MNAT1: variants seen among roughly 807,000 people sequenced by gnomAD.
MNAT1 encodes MNAT1 component of CDK activating kinase, also known as CDK-activating kinase assembly factor MAT1.
In MNAT1, 43 loss-of-function variants were observed where a neutral mutation model predicts 42.0. The ratio of observed to expected loss-of-function variants is 1.02; its 90% CI spans 0.80 to 1.32. MNAT1 has a LOEUF of 1.32. Ranked by LOEUF, MNAT1 falls within the 40% of genes most tolerant of loss-of-function variation. The pLI is 0.00. For missense variants in MNAT1, 306 were observed against 350.4 expected, an observed-to-expected ratio of 0.87 and a Z score of 1.01; for synonymous variants, 118 against 120.0, an observed-to-expected ratio of 0.98 and a Z score of 0.11.
intron 6 of MNAT1, among the ~76,000 whole-genome samples, chr14:60,835,566 G>A (rs934915399): frequency 9.2e-5 from 14 of 152,050 alleles, no homozygotes; most frequent in African/African-American, 3.4e-4. Context: ...TTGCATATTG[G>A]CCCCCACTCT....
At chr14:60,847,830 ATTC>A (rs2033718618) in intron 6 of MNAT1, among the ~76,000 whole-genome samples, 1 of 152,214 alleles carries the variant, frequency 6.6e-6, no homozygotes, top group Non-Finnish European at 1.5e-5. Flanking sequence ...AGAATATTTA[ATTC>A]TGTATAGCTT....
chr14:60,803,873 G>A (rs2032285904), intron 3 of MNAT1, among the ~76,000 whole-genome samples: 1 of 151,954 alleles, frequency 6.6e-6, no homozygotes, highest in Admixed American at 6.5e-5. Flanking sequence ...CAATAGAAGG[G>A]GCACACATGA....
chr14:60,806,657 C>G (rs909541507), intron 3 of MNAT1, among the ~76,000 whole-genome samples: 4 of 152,160 alleles, frequency 2.6e-5, no homozygotes, highest in African/African-American at 9.7e-5. Context: ...TGGTGAAGCC[C>G]TGTCTCTACT....
intron 1 of MNAT1, among the ~76,000 whole-genome samples, chr14:60,750,507 G>A (rs1339946044): frequency 6.7e-6 from 1 of 149,606 alleles, no homozygotes; most frequent in Non-Finnish European, 1.5e-5. Context: ...TGGGATTACA[G>A]GCGTGAGCCA....
At chr14:60,738,762 C>T (rs923719333) in intron 1 of MNAT1, among the ~76,000 whole-genome samples, 6 of 151,940 alleles carry the variant, frequency 3.9e-5, no homozygotes, top group East Asian at 1.9e-4. Context: ...CTTGAACTCC[C>T]GACCTCAGGT....
At chr14:60,829,519 G>A (rs2033156946) in intron 6 of MNAT1, among the ~76,000 whole-genome samples, 1 of 152,074 alleles carries the variant, frequency 6.6e-6, no homozygotes. Context: ...ATTGTTAATA[G>A]TCAAACTGTT....
At chr14:60,965,868 A>C (rs764031251) in intron 7 of MNAT1, among the ~76,000 whole-genome samples, 6 of 152,216 alleles carry the variant, frequency 3.9e-5, no homozygotes, top group Non-Finnish European at 5.9e-5. Flanking sequence ...TTCATTTCCA[A>C]GTTACCTATA....
At chr14:60,890,150 A>C (rs916544323) in intron 7 of MNAT1, among the ~76,000 whole-genome samples, 1 of 152,204 alleles carries the variant, frequency 6.6e-6, no homozygotes, top group Admixed American at 6.6e-5. Flanking sequence ...ACACATGCAC[A>C]CATATGTTTA....
chr14:60,833,671 G>A (rs574342545), intron 6 of MNAT1, among the ~76,000 whole-genome samples: 8 of 151,750 alleles, frequency 5.3e-5, no homozygotes, highest in African/African-American at 1.7e-4. Flanking sequence ...AGATTTTGGT[G>A]TCAGGATACT....
At chr14:60,909,508 T>C (rs1266587233) in intron 7 of MNAT1, among the ~76,000 whole-genome samples, 1 of 152,206 alleles carries the variant, frequency 6.6e-6, no homozygotes, top group African/African-American at 2.4e-5. Context: ...GTATAAGGTG[T>C]AAGGAAGGGC....
intron 7 of MNAT1, among the ~76,000 whole-genome samples, chr14:60,918,148 A>G (rs1307493513): frequency 7.1e-6 from 1 of 140,378 alleles, no homozygotes; most frequent in African/African-American, 2.6e-5. Flanking sequence ...AAAGATTCTC[A>G]CTTTTAGATT....
intron 1 of MNAT1, among the ~76,000 whole-genome samples, chr14:60,748,353 T>C (rs574347922): frequency 3.4e-4 from 51 of 152,164 alleles, no homozygotes; most frequent in Non-Finnish European, 5.0e-4. Context: ...GCTGTAGCCT[T>C]CTGAATAGCT....
intron 7 of MNAT1, among the ~76,000 whole-genome samples, chr14:60,906,961 T>A (rs2035213144): frequency 6.6e-6 from 1 of 151,692 alleles, no homozygotes; most frequent in Non-Finnish European, 1.5e-5. Flanking sequence ...AAGCTCCACC[T>A]TTCCACCCCC....
intron 7 of MNAT1, among the ~76,000 whole-genome samples, chr14:60,967,276 A>C (rs2036698985): frequency 6.6e-6 from 1 of 152,252 alleles, no homozygotes; most frequent in Admixed American, 6.5e-5. Flanking sequence ...TTTGACACAC[A>C]GGAAGTTTGA....
intron 7 of MNAT1, among the ~76,000 whole-genome samples, chr14:60,898,880 A>G (rs1401964657): frequency 6.6e-6 from 1 of 151,998 alleles, no homozygotes; most frequent in East Asian, 1.9e-4. Flanking sequence ...TAGTAGTTTT[A>G]TATCATCTGG....
chr14:60,767,266 T>C (rs971421631), intron 1 of MNAT1, among the ~76,000 whole-genome samples: 32 of 152,340 alleles, frequency 2.1e-4, no homozygotes, highest in East Asian at 5.8e-4. Flanking sequence ...TTGTGACTTA[T>C]GGTTTTGTGA....
intron 7 of MNAT1, among the ~76,000 whole-genome samples, chr14:60,931,183 C>A (rs964156361): frequency 6.6e-6 from 1 of 152,086 alleles, no homozygotes; most frequent in African/African-American, 2.4e-5. Context: ...AGGAATGAGT[C>A]TAGGAAAATT....
chr14:60,822,278 A>G (rs1048836052), intron 6 of MNAT1, among the ~76,000 whole-genome samples: 6 of 152,324 alleles, frequency 3.9e-5, no homozygotes, highest in Admixed American at 1.3e-4. Flanking sequence ...GGCGAGATGT[A>G]AAAGTTTTTG....
intron 7 of MNAT1, among the ~76,000 whole-genome samples, chr14:60,960,202 T>C (rs2036563413): frequency 6.6e-6 from 1 of 152,178 alleles, no homozygotes. Context: ...CCTTTCCAGG[T>C]GGCTTACACC....
Sources: gnomAD v4.1 joint callset for allele counts (sites outside exome capture counted in the v4.1 genomes callset) on GRCh38, gnomAD v4.1.1 for gene constraint, MANE v1.5 for transcripts, NCBI Gene and HGNC (gene_info 2026-07-23, HGNC 2026-07-21) for gene names.